Variants in BIVM observed in about 807,000 individuals in gnomAD.
BIVM encodes the protein basic, immunoglobulin-like variable motif containing.
Under a neutral mutation model 61.4 loss-of-function variants are expected in BIVM, and 31 were observed. The observed-to-expected ratio is 0.51, with a 90% CI of 0.38 to 0.68. The LOEUF is 0.68. Among genes scored for constraint, BIVM ranks in the 30% least tolerant of loss-of-function variants. The pLI is 0.00. For missense variants in BIVM, 526 were observed against 596.0 expected (o/e 0.88, Z 1.22); for synonymous variants, 189 against 210.7 (o/e 0.90, Z 0.89).
At chr13:102,831,185 G>T (rs766597508) in intron 7 of BIVM, among the ~76,000 whole-genome samples, 2 of 152,074 alleles carry the variant, frequency 1.3e-5, no homozygotes, top group Admixed American at 6.6e-5. Context: ...CTTTATAAAT[G>T]CATGTGCTAA....
At chr13:102,823,155 A>T (rs1880415212) in intron 7 of BIVM, among the ~76,000 whole-genome samples, 1 of 152,226 alleles carries the variant, frequency 6.6e-6, no homozygotes, top group African/African-American at 2.4e-5. Context: ...CTGGACACAG[A>T]AGTCTAAGGT....
In BIVM at chr13:102,816,494, G is replaced by A; in HGVS notation, c.545G>A (p.Cys182Tyr). Residue 182 changes from cysteine to tyrosine, a missense_variant, in exon 4 of 11, where the codon TGT (cysteine) becomes TAT (tyrosine). By Grantham distance (194) the Cys-to-Tyr change is radical (BLOSUM62 -2). This residue lies in a region of BIVM where 312 missense variants were observed against 343.8 expected (regional missense o/e 0.91). Transcript: ENST00000257336. ...AAAAAGGGAAGATATCAGAAGGAAT[G>A]TCCTCAGCATTCTCCTCTTGAAGAT... ...SDKKGRYQKE[C>Y]PQHSPLEDIK... 6.3e-7 allele frequency: 1 copy of A among 1,594,998 alleles called. No homozygotes were observed. The highest frequency in any genetic ancestry group is 8.5e-7 in the Non-Finnish European group (1 of 1,173,290).
At chr13:102,809,787 C>CTTT (rs71292825) in intron 3 of BIVM, among the ~76,000 whole-genome samples, 1,957 of 127,274 alleles carry the variant, frequency 0.015, 31 homozygotes, top group Admixed American at 0.029. Flanking sequence ...TCTTTTCTTT[C>CTTT]TTTTTTTTTT....
intron 3 of BIVM, among the ~76,000 whole-genome samples, chr13:102,808,090 C>T (rs1353489240): frequency 6.6e-6 from 1 of 152,172 alleles, no homozygotes; most frequent in African/African-American, 2.4e-5. Flanking sequence ...TTTATAGGCA[C>T]ATGAAGTTGT....
In BIVM at chr13:102,807,055, A is replaced by G; in HGVS notation, c.-122-91A>G. 2.2e-6 allele frequency: 1 copy of G among 456,624 alleles called. No homozygotes were observed. The highest frequency in any genetic ancestry group is 1.9e-5 in the African/African-American group (1 of 51,776). 28.3% of individuals were successfully genotyped at this position (456,624 alleles called of 1,614,324 possible). On this transcript the variant is annotated intron_variant, in intron 2 of 10. Transcript: ENST00000257336. The surrounding 1 kb of genome is among the most constrained non-coding windows in gnomAD (Gnocchi z 4.0). Reference sequence around the variant, plus strand: ...GTAGTTGTAAAATTAATATAGAATGAAGGCATATGTATGCATAAAACTTGC... The same window carrying G: ...GTAGTTGTAAAATTAATATAGAATGGAGGCATATGTATGCATAAAACTTGC...
intron 8 of BIVM, among the ~76,000 whole-genome samples, chr13:102,833,682 C>T (rs956141865): frequency 3.3e-5 from 5 of 152,090 alleles, no homozygotes; most frequent in African/African-American, 1.2e-4. Context: ...AAAGGCCCCT[C>T]GGGTTTGGGG....
intron 2 of BIVM, among the ~76,000 whole-genome samples, chr13:102,806,708 T>G (rs961490504): frequency 6.6e-6 from 1 of 152,024 alleles, no homozygotes; most frequent in Admixed American, 6.5e-5. Context: ...GTCGGGATTT[T>G]GAGACCAGCC....
chr13:102,802,228 A>G (rs947699549), intron 1 of BIVM, among the ~76,000 whole-genome samples: 1 of 152,178 alleles, frequency 6.6e-6, no homozygotes, highest in Admixed American at 6.5e-5. Flanking sequence ...TGGAGGGACA[A>G]ACTGCCTCTC....
rs1878579165 is a variant in BIVM at position 102,799,192 on chromosome 13, C to A, written c.-536C>A. The A allele has an allele frequency of 2.7e-6, 1 of 371,694 alleles. No homozygotes were observed. The highest frequency in any genetic ancestry group is 4.8e-6 in the Non-Finnish European group (1 of 209,748). 23.0% of individuals were successfully genotyped at this position (371,694 alleles called of 1,614,324 possible). On this transcript the variant is annotated 5_prime_UTR_variant, in exon 1 of 11. Transcript: ENST00000257336. ...CGCCCATTTATTTACTTCTCGGTCA[C>A]CGCTTTCGGGGGACAGATAAACACC... is the stretch of plus-strand genomic sequence containing the variant.
intron 3 of BIVM, among the ~76,000 whole-genome samples, chr13:102,815,497 A>G (rs1214079802): frequency 6.6e-6 from 1 of 152,232 alleles, no homozygotes; most frequent in Non-Finnish European, 1.5e-5. Context: ...ACGATTTAGA[A>G]ATAAAACTTA....
At chr13:102,802,745 C>CTTTTTTTTTTTTTTTTTTTTTTTTTT (rs35905954) in intron 1 of BIVM, among the ~76,000 whole-genome samples, 1 of 132,152 alleles carries the variant, frequency 7.6e-6, no homozygotes, top group Non-Finnish European at 1.6e-5. Flanking sequence ...TCTCTCTTTC[C>CTTTTTTTTTTTTTTTTTTTTTTTTTT]TTTTTTTTTT....
At chr13:102,813,688 G>A (rs1368422738) in intron 3 of BIVM, among the ~76,000 whole-genome samples, 2 of 152,094 alleles carry the variant, frequency 1.3e-5, no homozygotes, top group African/African-American at 4.8e-5. Flanking sequence ...GGCAACTCTG[G>A]TATATTCCTT....
Position 102,799,457 on chromosome 13 carries a change from G to A in BIVM, c.-271G>A, listed in dbSNP as rs1342200893. 1 of 152,294 alleles carries A rather than the reference G, an allele frequency of 6.6e-6. No homozygotes were observed. Among genetic ancestry groups the A allele is most frequent in the African/African-American group, 2.4e-5 (1 of 41,478 alleles). 9.4% of individuals were successfully genotyped at this position (152,294 alleles called of 1,614,324 possible). On this transcript the variant is annotated 5_prime_UTR_variant, in exon 1 of 11. An upstream open reading frame in the 5' UTR loses its in-frame stop. Transcript: ENST00000257336. The stretch of plus-strand genomic sequence containing the variant: ...TCGCCGGCCGCGCGCTGGATGCTGT[G>A]ATCCAGGTCCGGAGCCGGGTTCCGC...
intron 1 of BIVM, among the ~76,000 whole-genome samples, chr13:102,802,866 C>T (rs1878834440): frequency 6.6e-6 from 1 of 151,738 alleles, no homozygotes; most frequent in Admixed American, 6.6e-5. Flanking sequence ...TTGCCTCAGC[C>T]TCCCAAAGCA....
intron 7 of BIVM, among the ~76,000 whole-genome samples, chr13:102,828,686 G>A (rs905615428): frequency 6.6e-6 from 1 of 151,980 alleles, no homozygotes; most frequent in Admixed American, 6.6e-5. Flanking sequence ...ATTCCAAGCT[G>A]ACACAAATTG....
At chr13:102,805,662 C>T (rs377766941) in intron 2 of BIVM, among the ~76,000 whole-genome samples, 6 of 152,140 alleles carry the variant, frequency 3.9e-5, no homozygotes, top group African/African-American at 1.4e-4. Context: ...AACTCCATCA[C>T]CCCCAAACCC....
At chr13:102,802,409 A>C (rs1388431211) in intron 1 of BIVM, among the ~76,000 whole-genome samples, 1 of 152,208 alleles carries the variant, frequency 6.6e-6, no homozygotes, top group Non-Finnish European at 1.5e-5. Flanking sequence ...TGTGGAAAGA[A>C]AGTAAACACT....
chr13:102,806,218 A>G (rs1879068452), intron 2 of BIVM, among the ~76,000 whole-genome samples: 2 of 152,190 alleles, frequency 1.3e-5, no homozygotes, highest in South Asian at 4.1e-4. Context: ...CATGATGGCT[A>G]ATGATACTGA....
rs1038131539 is a variant in BIVM at position 102,841,511 on chromosome 13, AAAGTT to A, written c.*1647_*1651del. ...AACTTTTAAAAAGATTTCATCAAAT[AAAGTT>A]TTGTTTTCTACTTTTAATTATATGA... On this transcript the variant is annotated 3_prime_UTR_variant, in exon 11 of 11. Coordinates refer to ENST00000257336, the MANE Select transcript of BIVM (RefSeq NM_017693.4). The A allele has an allele frequency of 1.3e-5, 2 of 152,630 alleles. No individual in the cohort carries two copies. The highest frequency in any genetic ancestry group is 2.9e-5 in the Non-Finnish European group (2 of 68,042). The allele number at this position is 152,630 out of a possible 1,614,324, so 9.5% of individuals were successfully genotyped here.
Sources: gnomAD v4.1 joint callset for allele counts (sites outside exome capture counted in the v4.1 genomes callset) on GRCh38, gnomAD v4.1.1 for gene constraint, gnomAD v4.1.1 regional missense constraint, Gnocchi (gnomAD v3.1) non-coding constraint, MANE v1.5 for transcripts, NCBI Gene and HGNC (gene_info 2026-07-23, HGNC 2026-07-21) for gene names.